F13A1: variants seen among roughly 807,000 people sequenced by gnomAD.
F13A1 encodes coagulation factor XIII A chain.
A neutral mutation model predicts 80.1 loss-of-function variants in F13A1; 47 were observed. That is an observed-to-expected ratio of 0.59 (90% CI 0.46 to 0.75). The LOEUF (loss-of-function observed/expected upper bound fraction) is 0.75. Ranked by LOEUF, F13A1 falls within the 30% of genes least tolerant of loss-of-function variation. F13A1 has a pLI of 0.00. For synonymous variants in F13A1, 349 were observed against 344.9 expected, an observed-to-expected ratio of 1.01 and a Z score of -0.13; for missense variants, 817 against 930.4, an observed-to-expected ratio of 0.88 and a Z score of 1.59.
chr6:6,232,761 A>G (rs534606374), intron 6 of F13A1, among the ~76,000 whole-genome samples: 9 of 152,180 alleles, frequency 5.9e-5, no homozygotes, highest in Non-Finnish European at 1.3e-4. Flanking sequence ...CATCTCTCAG[A>G]CCACACAGAA....
At chr6:6,285,472 T>A (rs1312561739) in intron 3 of F13A1, among the ~76,000 whole-genome samples, 1 of 152,324 alleles carries the variant, frequency 6.6e-6, no homozygotes, top group Middle Eastern at 3.4e-3. Context: ...AGCATCCCAA[T>A]GGCTAAGCTA....
chr6:6,311,645 A>ATAATATATAAAAACATATATTGTTTATG (rs1758598730), intron 2 of F13A1, among the ~76,000 whole-genome samples: 1 of 144,388 alleles, frequency 6.9e-6, no homozygotes, highest in African/African-American at 2.6e-5. Context: ...TATTGTTTAT[A>ATAATATATAAAAACATATATTGTTTATG]TATTATATAT....
At chr6:6,320,159 A>G (rs898349765) in intron 1 of F13A1, among the ~76,000 whole-genome samples, 2 of 151,822 alleles carry the variant, frequency 1.3e-5, no homozygotes, top group African/African-American at 2.4e-5. Flanking sequence ...GAGGCAGGCG[A>G]TGCGCAGGAG....
In F13A1 at chr6:6,191,978, G is replaced by A. The variant is rs114102962; in HGVS notation, c.1305+3819C>T. Among the ~76,000 whole-genome samples, 1,012 of 152,342 alleles carry A rather than the reference G, an allele frequency of 6.6e-3. 10 individuals are homozygous for A. The highest frequency in any genetic ancestry group is 0.022 in the African/African-American group (931 of 41,584). Reference sequence around the variant, plus strand: ...TGAGCGAAGGCCTCTTTGAAGAGGTGACCAGAGCAGAGACTTGAATGCAGA... The same window carrying A: ...TGAGCGAAGGCCTCTTTGAAGAGGTAACCAGAGCAGAGACTTGAATGCAGA... On this transcript the variant is annotated intron_variant, in intron 10 of 14. Transcript: ENST00000264870.
intron 3 of F13A1, among the ~76,000 whole-genome samples, chr6:6,293,387 T>C (rs1225258242): frequency 2.0e-5 from 3 of 152,014 alleles, no homozygotes; most frequent in African/African-American, 7.3e-5. Flanking sequence ...TAGTAAAACC[T>C]GTGATTACCA....
intron 5 of F13A1, 27 bp from the exon 6 acceptor site, chr6:6,248,446 A>T: frequency 6.3e-7 from 1 of 1,585,502 alleles, no homozygotes; most frequent in Non-Finnish European, 8.6e-7. Context: ...AAACAAAGAG[A>T]AACTAGTGTT....
At chr6:6,293,432 G>T (rs1758252484) in intron 3 of F13A1, among the ~76,000 whole-genome samples, 1 of 152,008 alleles carries the variant, frequency 6.6e-6, no homozygotes, top group South Asian at 2.1e-4. Flanking sequence ...TGTCGAGGCT[G>T]CAGGCTCAGA....
chr6:6,319,757 AG>A (rs765217470), intron 1 of F13A1, among the ~76,000 whole-genome samples: 1 of 152,114 alleles, frequency 6.6e-6, no homozygotes, highest in Non-Finnish European at 1.5e-5. Context: ...AACATGCTGG[AG>A]AAAAGACAAC....
intron 8 of F13A1, among the ~76,000 whole-genome samples, chr6:6,221,710 T>C (rs1351764661): frequency 6.6e-6 from 1 of 152,206 alleles, no homozygotes; most frequent in Non-Finnish European, 1.5e-5. Context: ...TTGGCTCCAA[T>C]ACTTCTGCTA....
intron 10 of F13A1, among the ~76,000 whole-genome samples, chr6:6,182,681 G>T (rs1360228830): frequency 6.6e-6 from 1 of 152,278 alleles, no homozygotes; most frequent in East Asian, 1.9e-4. Flanking sequence ...GCCATCGTGA[G>T]ACAGTGAACA....
In F13A1 at chr6:6,278,739, C is replaced by T. The variant is rs571629707; in HGVS notation, c.320-11930G>A. 4.8e-4 allele frequency among the ~76,000 whole-genome samples: 73 copies of T among 152,054 alleles called. 1 individual carries two copies. The highest frequency in any genetic ancestry group is 1.7e-3 in the African/African-American group (69 of 41,466). ...GCCTGAGCAGGGGAATTGTGGGAGA[C>T]GAGAAAGTTCCTGGAGCAGGGGAAA... On this transcript the variant is annotated intron_variant, in intron 3 of 14. Transcript: ENST00000264870.
rs1760258203 is a variant in F13A1 at position 6,145,383 on chromosome 6, C to A, written c.*236G>T. 1.8e-6 allele frequency: 1 copy of A among 561,302 alleles called. No individual in the cohort carries two copies. The highest frequency in any genetic ancestry group is 2.0e-5 in the South Asian group (1 of 50,588). 34.8% of individuals were successfully genotyped at this position (561,302 alleles called of 1,614,324 possible). A position where few individuals can be genotyped will look rare whatever the true frequency, so the allele number is the denominator to read the frequency against. On this transcript the variant is annotated 3_prime_UTR_variant, in exon 15 of 15. Coordinates refer to ENST00000264870, the MANE Select transcript of F13A1 (RefSeq NM_000129.4). ...ATGAGCTATGAGAGCTTAATTAAAG[C>A]TAATGCTTAGCACTCTTTGGAAGGT...
Position 6,248,321 on chromosome 6 carries a change from C to G in F13A1, c.789G>C (p.Gly263=), listed in dbSNP as rs761211028. Residue 263 remains glycine, a synonymous_variant, in exon 6 of 15, where the codon GGG becomes GGC. Coordinates refer to ENST00000264870, the MANE Select transcript of F13A1 (RefSeq NM_000129.4). The stretch of plus-strand genomic sequence containing the variant: ...AGTAATTGCTGCTTACCATTGCAGA[C>G]CCCACACGGCTGACTTTGATGGGAT... The part of the protein sequence containing the change: ...RGNPIKVSRV[G]SAMVNAKDDE... The G allele has an allele frequency of 3.7e-6, 6 of 1,613,654 alleles. No individual in the cohort carries two copies. The highest frequency in any genetic ancestry group is 5.1e-6 in the Non-Finnish European group (6 of 1,179,682).
intron 13 of F13A1, among the ~76,000 whole-genome samples, chr6:6,165,415 C>T (rs548005013): frequency 7.2e-5 from 11 of 152,252 alleles, no homozygotes; most frequent in African/African-American, 1.7e-4. Context: ...TTCATACATC[C>T]GGTTTATTAT....
chr6:6,289,161 G>A (rs1460292213), intron 3 of F13A1, among the ~76,000 whole-genome samples: 1 of 152,170 alleles, frequency 6.6e-6, no homozygotes, highest in Admixed American at 6.5e-5. Flanking sequence ...CTTATTTGCA[G>A]GTGAGGAAAC....
intron 3 of F13A1, among the ~76,000 whole-genome samples, chr6:6,294,935 C>A (rs1198947276): frequency 1.4e-5 from 2 of 138,632 alleles, no homozygotes; most frequent in African/African-American, 5.5e-5. Context: ...TGATGTTCCC[C>A]TTCCTGTGTC....
chr6:6,300,598 G>A (rs12203992), intron 3 of F13A1, among the ~76,000 whole-genome samples: 5,424 of 151,948 alleles, frequency 0.036, 143 homozygotes, highest in Non-Finnish European at 0.059. Context: ...GCCCTGCTTC[G>A]GCTCGCGCAC....
At chr6:6,275,895 A>G (rs1757981750) in intron 3 of F13A1, among the ~76,000 whole-genome samples, 1 of 152,258 alleles carries the variant, frequency 6.6e-6, no homozygotes, top group Admixed American at 6.5e-5. Context: ...AAGAGAAGAC[A>G]GGATATTTTT....
At chr6:6,176,098 G>A (rs1315614735) in intron 11 of F13A1, among the ~76,000 whole-genome samples, 2 of 152,172 alleles carry the variant, frequency 1.3e-5, no homozygotes, top group Non-Finnish European at 2.9e-5. Flanking sequence ...TATCCCTAAG[G>A]ATAGAGATGA....
Sources: gnomAD v4.1 joint callset for allele counts (sites outside exome capture counted in the v4.1 genomes callset) on GRCh38, gnomAD v4.1.1 for gene constraint, MANE v1.5 for transcripts, NCBI Gene and HGNC (gene_info 2026-07-23, HGNC 2026-07-21) for gene names.